FMNL2: variants seen among roughly 807,000 people sequenced by gnomAD.
FMNL2 encodes formin like 2, also known as formin-like protein 2.
A neutral mutation model predicts 130.2 loss-of-function variants in FMNL2; 51 were observed. That is an observed-to-expected ratio of 0.39 (90% CI 0.31 to 0.49). FMNL2 has a LOEUF of 0.49. Among genes scored for constraint, FMNL2 ranks in the 20% least tolerant of loss-of-function variants. The pLI is 0.85. For synonymous variants in FMNL2, 465 were observed against 467.1 expected (o/e 1.00, Z 0.06); for missense variants, 977 against 1,316.2 (o/e 0.74, Z 3.99).
intron 1 of FMNL2, among the ~76,000 whole-genome samples, chr2:152,460,388 C>T (rs915170882): frequency 2.6e-5 from 4 of 152,160 alleles, no homozygotes; most frequent in African/African-American, 4.8e-5. Flanking sequence ...AAGTTCTTAC[C>T]GTATGCCTTG....
chr2:152,556,199 A>G lies in FMNL2; in HGVS notation c.360-2541A>G, dbSNP rs1866117. 8.4e-4 allele frequency among the ~76,000 whole-genome samples: 128 copies of G among 152,254 alleles called. 3 individuals are homozygous for G. In the South Asian group the frequency reaches 0.027, roughly 32 times the overall value. On this transcript the variant is annotated intron_variant, in intron 4 of 25. Coordinates refer to ENST00000288670, the MANE Select transcript of FMNL2 (RefSeq NM_052905.4). ...CATCCATACCCTTATTGCTGAAATG[A>G]CTTTGCTAAGCTAACCTGATACCAT...
At chr2:152,599,073 C>T (rs1209199125) in intron 9 of FMNL2, among the ~76,000 whole-genome samples, 3 of 152,192 alleles carry the variant, frequency 2.0e-5, no homozygotes, top group South Asian at 2.1e-4. Flanking sequence ...CACCCTTCCT[C>T]CAAATTCTTT....
chr2:152,520,507 A>G (rs1401031453), intron 1 of FMNL2, among the ~76,000 whole-genome samples: 2 of 151,628 alleles, frequency 1.3e-5, no homozygotes, highest in Non-Finnish European at 2.9e-5. Flanking sequence ...AGGCAGGACA[A>G]TTGCTTGAAC....
At chr2:152,434,895 C>T (rs559872589) in intron 1 of FMNL2, among the ~76,000 whole-genome samples, 14 of 152,066 alleles carry the variant, frequency 9.2e-5, no homozygotes, top group Non-Finnish European at 1.8e-4. Context: ...TGGGATGGCC[C>T]CTCAGAGCAG....
At chr2:152,570,716 C>T (rs1199487684) in intron 6 of FMNL2, among the ~76,000 whole-genome samples, 4 of 152,108 alleles carry the variant, frequency 2.6e-5, no homozygotes, top group Non-Finnish European at 1.5e-5. Context: ...ACCAGAGAGA[C>T]CTGATTGTTC....
Position 152,639,967 on chromosome 2 carries a change from G to A in FMNL2, c.2956G>A (p.Glu986Lys). 3 of 1,555,554 alleles carry A rather than the reference G, an allele frequency of 1.9e-6. No homozygotes were observed. Among genetic ancestry groups the A allele is most frequent in the Non-Finnish European group, 2.6e-6 (3 of 1,150,640 alleles). Residue 986 changes from glutamate to lysine, a missense_variant, in exon 24 of 26, where the codon GAG becomes AAG. By Grantham distance (56) the Glu-to-Lys change is moderately conservative. Transcript: ENST00000288670. ...RFVKAYKQAE[E>K]ENELRKKQEQ... Reference sequence around the variant, plus strand: ...CTTTTGATTTACCCAGCAAGCAGAAGAGGAAAATGAGCTGAGGAAAAAGCA... The same window carrying A: ...CTTTTGATTTACCCAGCAAGCAGAAAAGGAAAATGAGCTGAGGAAAAAGCA...
At chr2:152,413,570 C>T (rs1686439340) in intron 1 of FMNL2, among the ~76,000 whole-genome samples, 1 of 152,132 alleles carries the variant, frequency 6.6e-6, no homozygotes, top group Non-Finnish European at 1.5e-5. Flanking sequence ...TAGTGGATCC[C>T]TTTCCATGAT....
chr2:152,415,936 A>G (rs1247727256), intron 1 of FMNL2, among the ~76,000 whole-genome samples: 1 of 152,190 alleles, frequency 6.6e-6, no homozygotes, highest in Non-Finnish European at 1.5e-5. Flanking sequence ...TATCCAGATA[A>G]GTGCAAGAGC....
At chr2:152,538,731 A>G (rs1404669486) in intron 2 of FMNL2, among the ~76,000 whole-genome samples, 1 of 152,188 alleles carries the variant, frequency 6.6e-6, no homozygotes, top group African/African-American at 2.4e-5. Flanking sequence ...CAAAGCCCCA[A>G]CTGTTTTTGT....
At chr2:152,549,627 C>G (rs1694828424) in intron 4 of FMNL2, among the ~76,000 whole-genome samples, 1 of 152,222 alleles carries the variant, frequency 6.6e-6, no homozygotes, top group East Asian at 1.9e-4. Context: ...TGTAAATCCA[C>G]TGTGGGAAAA....
chr2:152,590,029 A>T (rs1378055483), intron 9 of FMNL2, among the ~76,000 whole-genome samples: 1 of 139,602 alleles, frequency 7.2e-6, no homozygotes, highest in Non-Finnish European at 1.5e-5. Flanking sequence ...ATATATATAC[A>T]TATACATACA....
At chr2:152,617,745 T>C (rs1437010469) in intron 13 of FMNL2, among the ~76,000 whole-genome samples, 1 of 152,248 alleles carries the variant, frequency 6.6e-6, no homozygotes, top group East Asian at 1.9e-4. Flanking sequence ...GTTTACCTTA[T>C]GTGCCAGGTA....
intron 7 of FMNL2, among the ~76,000 whole-genome samples, chr2:152,575,592 C>G (rs1049605697): frequency 1.3e-5 from 2 of 152,124 alleles, no homozygotes; most frequent in Non-Finnish European, 2.9e-5. Flanking sequence ...ATTCTTTGCT[C>G]TCATATTTTA....
chr2:152,401,245 A>G (rs1685677321), intron 1 of FMNL2, among the ~76,000 whole-genome samples: 1 of 152,242 alleles, frequency 6.6e-6, no homozygotes, highest in South Asian at 2.1e-4. Context: ...GTCCCTATGT[A>G]GTTCTTCAAT....
rs1553488328 is a variant in FMNL2, at chr2:152,619,552, G to GCCCCCCCCCCCCCC, written c.1676_1677insCCCCCCCCCCCCCC (p.Pro564LeufsTer29). ...CACCACCTATGCCACCGCCGCCGCC[G>GCCCCCCCCCCCCCC]CCCCCTCCTCCACCTCCTCCTCCCC... On this transcript the variant is annotated frameshift_variant, in exon 15 of 26. Transcript: ENST00000288670. LOFTEE classifies it high-confidence loss of function. 4.9e-6 allele frequency: 7 copies of GCCCCCCCCCCCCCC among 1,417,840 alleles called. No individual in the cohort carries two copies. The South Asian group carries it at 5.1e-5, about 10-fold the overall frequency. The allele number at this position is 1,417,840 out of a possible 1,614,324, so 87.8% of individuals were successfully genotyped here. A position where few individuals can be genotyped will look rare whatever the true frequency, so the allele number is the denominator to read the frequency against.
Position 152,636,435 on chromosome 2 carries a change from G to C in FMNL2, c.2689G>C (p.Glu897Gln). ...TTCTTTCTCTGCTTTAGTCTCCCTT[G>C]AGAATGTTTTGCTGGATGTCAAGGA... ...YVEKAAAVSL[E>Q]NVLLDVKELQ... The change falls in exon 22 of 26, where the codon GAG (glutamate) becomes CAG (glutamine). Residue 897 changes from glutamate to glutamine, a missense_variant. Transcript: ENST00000288670. 6.2e-7 allele frequency: 1 copy of C among 1,611,408 alleles called. No individual in the cohort carries two copies. Among genetic ancestry groups the C allele is most frequent in the African/African-American group, 1.3e-5 (1 of 75,012 alleles).
chr2:152,546,946 CTTT>C (rs34129916), intron 3 of FMNL2, among the ~76,000 whole-genome samples: 4 of 135,770 alleles, frequency 2.9e-5, no homozygotes, highest in Non-Finnish European at 3.1e-5. Context: ...TGCCCCCATT[CTTT>C]TTTTTTTTTT....
At chr2:152,537,610 T>C (rs1694064948) in intron 2 of FMNL2, among the ~76,000 whole-genome samples, 1 of 152,164 alleles carries the variant, frequency 6.6e-6, no homozygotes, top group Non-Finnish European at 1.5e-5. Flanking sequence ...CATTTAAAAG[T>C]TACCCTTAAT....
intron 9 of FMNL2, among the ~76,000 whole-genome samples, chr2:152,597,892 G>C (rs1359752282): frequency 1.3e-5 from 2 of 152,230 alleles, no homozygotes; most frequent in Admixed American, 6.5e-5. Flanking sequence ...GTGGGTGTTA[G>C]GGTGAACTTG....
Sources: allele counts gnomAD v4.1 joint callset (sites outside exome capture counted in the v4.1 genomes callset), GRCh38; gene constraint gnomAD v4.1.1; transcripts MANE v1.5; gene names NCBI Gene and HGNC (gene_info 2026-07-23, HGNC 2026-07-21).